The following PRDX3 variants were observed in gnomAD, a reference collection of about 807,000 sequenced individuals.
PRDX3 encodes peroxiredoxin 3.
PRDX3 carries 20 observed loss-of-function variants against 30.4 expected under a neutral mutation model. That is an observed-to-expected ratio of 0.66 (90% CI 0.46 to 0.96). The LOEUF (loss-of-function observed/expected upper bound fraction) is 0.96, where lower values mean the gene tolerates loss of function less well. Among genes scored for constraint, PRDX3 ranks in the 40% least tolerant of loss-of-function variants. The pLI, the probability that PRDX3 is intolerant of heterozygous loss-of-function variation, is 0.00. For missense variants in PRDX3, 322 were observed against 318.3 expected, an observed-to-expected ratio of 1.01 and a Z score of -0.09; for synonymous variants, 124 against 117.8, an observed-to-expected ratio of 1.05 and a Z score of -0.34.
rs1335680626 is a variant in PRDX3, at chr10:119,167,903, T to C, written c.*577A>G. The C allele has an allele frequency of 6.6e-6, 1 of 152,280 alleles. No homozygotes were observed. The highest frequency in any genetic ancestry group is 6.5e-5 in the Admixed American group (1 of 15,278). The allele number at this position is 152,280 out of a possible 1,614,324, so 9.4% of individuals were successfully genotyped here. ...GAATAAAATAAGTAAAATGACTACA[T>C]AAACTCAATTTCAGGGATGAGGGAT... On this transcript the variant is annotated 3_prime_UTR_variant, in exon 7 of 7. Coordinates refer to ENST00000298510, the MANE Select transcript of PRDX3 (RefSeq NM_006793.5).
intron 5 of PRDX3, chr10:119,169,585 A>C: frequency 5.2e-6 from 2 of 381,490 alleles, no homozygotes; most frequent in African/African-American, 2.0e-5. Flanking sequence ...TCACACTTAC[A>C]AGTTCACATA....
At chr10:119,176,014 C>T (rs2133663315) in intron 2 of PRDX3, among the ~76,000 whole-genome samples, 1 of 151,888 alleles carries the variant, frequency 6.6e-6, no homozygotes, top group South Asian at 2.1e-4. Flanking sequence ...GAACTCCTGA[C>T]CTCAAGTAAT....
rs35652120 is a variant in PRDX3 at position 119,176,263 on chromosome 10, T to C, written c.169+758A>G. On this transcript the variant is annotated intron_variant, in intron 2 of 6. Coordinates refer to ENST00000298510, the MANE Select transcript of PRDX3 (RefSeq NM_006793.5). ...CATGAACAGAAACAGGAGGCGCTGC[T>C]GGGGATGAGGATTCGAAACCAGTGG... Among the ~76,000 whole-genome samples the C allele has an allele frequency of 5.0e-3, 756 of 152,330 alleles. 8 individuals carry two copies. Among genetic ancestry groups the C allele is most frequent in the African/African-American group, 0.017 (724 of 41,574 alleles).
chr10:119,172,028 G>A (rs1301109750), intron 5 of PRDX3, among the ~76,000 whole-genome samples: 1 of 152,208 alleles, frequency 6.6e-6, no homozygotes, highest in East Asian at 1.9e-4. Context: ...AGGTGGTGGA[G>A]GGGACATGCA....
At position 119,174,434 on chromosome 10, in the gene PRDX3, A is replaced by G; in HGVS notation, c.311+17T>C. ...GCTCTCAGAATGACACGAAAGCATC[A>G]TAGAAATTACACTTACAAATCCAAA... On this transcript the variant is annotated intron_variant, in intron 3 of 6. Transcript: ENST00000298510. 1 of 1,590,104 alleles carries G rather than the reference A, an allele frequency of 6.3e-7. No homozygotes were observed. The highest frequency in any genetic ancestry group is 8.5e-7 in the Non-Finnish European group (1 of 1,172,070).
chr10:119,169,278 C>A lies in PRDX3; in HGVS notation c.616G>T (p.Gly206Cys). ...CGGAGGGTTTCTTCCACGCTTCGGC[C>A]CACTGGGAGATCGTTGACGCTCAAA... ...KHLSVNDLPV[G>C]RSVEETLRLV... Residue 206 changes from glycine to cysteine, a missense_variant, in exon 6 of 7, where the codon GGC becomes TGC. Transcript: ENST00000298510. 1 of 1,613,984 alleles carries A rather than the reference C, an allele frequency of 6.2e-7. No homozygotes were observed. Among genetic ancestry groups the A allele is most frequent in the Non-Finnish European group, 8.5e-7 (1 of 1,180,012 alleles).
intron 1 of PRDX3, among the ~76,000 whole-genome samples, chr10:119,177,973 T>G (rs1589667698): frequency 6.7e-6 from 1 of 149,824 alleles, no homozygotes; most frequent in Non-Finnish European, 1.5e-5. Context: ...CTCGACCTCC[T>G]GGGCTCAAGT....
At chr10:119,174,408 T>C in intron 3 of PRDX3, 43 bp downstream of exon 3, 1 of 1,563,038 alleles carries the variant, frequency 6.4e-7, no homozygotes, top group Non-Finnish European at 8.6e-7. Context: ...GATATGTGCT[T>C]GCTCTCAGAA....
In PRDX3 at chr10:119,172,418, T is replaced by A; in HGVS notation, c.515A>T (p.Tyr172Phe). Residue 172 changes from tyrosine to phenylalanine, a missense_variant, in exon 5 of 7, where the codon TAC becomes TTC. Physicochemically the swap from Tyr to Phe is conservative, Grantham distance 22. Transcript: ENST00000298510. ...ACCAGAACCTTCTAACAGCACACCG[T>A]AGTCTCGGGAAATCTGCTTAGTTAA... ...SDLTKQISRD[Y>F]GVLLEGSGLA... 1 of 1,614,118 alleles carries A rather than the reference T, an allele frequency of 6.2e-7. No individual in the cohort carries two copies. The highest frequency in any genetic ancestry group is 8.5e-7 in the Non-Finnish European group (1 of 1,179,918).
At chr10:119,174,707 A>C in intron 2 of PRDX3, 115 bp from the exon 3 acceptor site, 2 of 1,063,050 alleles carry the variant, frequency 1.9e-6, no homozygotes, top group Non-Finnish European at 1.3e-6. Flanking sequence ...TATAAATCAA[A>C]ACATTCGGTT....
chr10:119,169,399 A>G, intron 5 of PRDX3, 57 bp from the exon 6 acceptor site: 1 of 1,423,878 alleles, frequency 7.0e-7, no homozygotes. Context: ...AGAACAGTCT[A>G]ACTTCTTCCC....
At chr10:119,175,523 G>T in intron 2 of PRDX3, among the ~76,000 whole-genome samples, 1 of 152,168 alleles carries the variant, frequency 6.6e-6, no homozygotes, top group South Asian at 2.1e-4. Context: ...AGCCTCCCGA[G>T]TAGCTGGGAC....
At position 119,177,017 on chromosome 10, in the gene PRDX3, T is replaced by G; in HGVS notation, c.169+4A>C. ...CTCCAGCCAAGACATGACATAACAC[T>G]TACTGGTGCTGAATAATTTTGCTTG... On this transcript the variant is annotated splice_donor_region_variant and intron_variant, in intron 2 of 6. Coordinates refer to ENST00000298510, the MANE Select transcript of PRDX3 (RefSeq NM_006793.5). The G allele has an allele frequency of 6.2e-7, 1 of 1,614,016 alleles. No individual in the cohort carries two copies. Among genetic ancestry groups the G allele is most frequent in the Non-Finnish European group, 8.5e-7 (1 of 1,179,924 alleles).
In PRDX3 at chr10:119,174,055, G is replaced by A. The variant is rs535918508; in HGVS notation, c.312-183C>T. Among the ~76,000 whole-genome samples the A allele has an allele frequency of 5.9e-5, 9 of 151,994 alleles. No homozygotes were observed. In the East Asian group the frequency reaches 1.7e-3, roughly 29 times the overall value. On this transcript the variant is annotated intron_variant, in intron 3 of 6. Transcript: ENST00000298510. The stretch of plus-strand genomic sequence containing the variant: ...ACCTCCCCTCACCTTTTTATTTTTA[G>A]GAATTGTATCAAAAAATGGGGAAAG...
Position 119,168,894 on chromosome 10 carries a change from A to G in PRDX3, c.717+283T>C, listed in dbSNP as rs185102968. Among the ~76,000 whole-genome samples, 30 of 151,434 alleles carry G rather than the reference A, an allele frequency of 2.0e-4. No homozygotes were observed. The East Asian group carries it at 5.9e-3, about 30-fold the overall frequency. On this transcript the variant is annotated intron_variant, in intron 6 of 6. Transcript: ENST00000298510. ...AGGCTGAGGCAGGACAATGGCGTGA[A>G]CCCAGGAGGCGGAGCTTGCAGTGAG...
At chr10:119,173,974 CA>C in intron 3 of PRDX3, 102 bp from the exon 4 acceptor site, 2 of 1,232,048 alleles carry the variant, frequency 1.6e-6, no homozygotes, top group South Asian at 1.5e-5. Flanking sequence ...GTAAAAAAGG[CA>C]AAATGGTTTA....
chr10:119,171,518 A>C (rs966396091), intron 5 of PRDX3, among the ~76,000 whole-genome samples: 2 of 152,200 alleles, frequency 1.3e-5, no homozygotes, highest in African/African-American at 2.4e-5. Context: ...CCTCCCAGGA[A>C]GGTTATGTTT....
rs773941419 is a variant in PRDX3, at chr10:119,169,205, G to A, written c.689C>T (p.Pro230Leu). ...QYVETHGEVC[P>L]ANWTPDSPTI... ...AGGAGAATCCGGTGTCCAGTTCGCT[G>A]GGCAGACTTCTCCATGTGTTTCTAC... The change falls in exon 6 of 7, where the codon CCA becomes CTA. Residue 230 changes from proline (P) to leucine (L), a missense_variant. Pro to Leu is a moderately conservative substitution (Grantham distance 98). Coordinates refer to ENST00000298510, the MANE Select transcript of PRDX3 (RefSeq NM_006793.5). 6 of 1,612,570 alleles carry A rather than the reference G, an allele frequency of 3.7e-6. No individual in the cohort carries two copies. The highest frequency in any genetic ancestry group is 2.2e-5 in the East Asian group (1 of 44,882).
chr10:119,176,009 C>G (rs566445602), intron 2 of PRDX3, among the ~76,000 whole-genome samples: 2 of 151,870 alleles, frequency 1.3e-5, no homozygotes, highest in Non-Finnish European at 2.9e-5. Context: ...GTCTTGAACT[C>G]CTGACCTCAA....
Sources: allele counts gnomAD v4.1 joint callset (sites outside exome capture counted in the v4.1 genomes callset), GRCh38; gene constraint gnomAD v4.1.1; transcripts MANE v1.5; gene names NCBI Gene and HGNC (gene_info 2026-07-23, HGNC 2026-07-21).